BCL2L11: variants seen among roughly 807,000 people sequenced by gnomAD.
The protein encoded by BCL2L11 is bcl-2-like protein 11.
A neutral mutation model predicts 20.6 loss-of-function variants in BCL2L11; 15 were observed. The observed-to-expected ratio is 0.73, with a 90% CI of 0.49 to 1.12. The LOEUF (loss-of-function observed/expected upper bound fraction) is 1.12, where lower values mean the gene tolerates loss of function less well. BCL2L11 is among the 50% of genes most tolerant of loss of function. The pLI is 0.00. For missense variants in BCL2L11, 292 were observed against 260.9 expected (o/e 1.12, Z -0.82); for synonymous variants, 108 against 92.8 (o/e 1.16, Z -0.94).
intron 3 of BCL2L11, chr2:111,161,491 C>T: frequency 6.5e-7 from 1 of 1,550,268 alleles, no homozygotes; most frequent in East Asian, 2.4e-5. Flanking sequence ...GAGGCCAGCT[C>T]TGCAGACAGC....
At chr2:111,128,125 A>G (rs1232078413) in intron 2 of BCL2L11, among the ~76,000 whole-genome samples, 1 of 151,976 alleles carries the variant, frequency 6.6e-6, no homozygotes, top group Admixed American at 6.6e-5. Flanking sequence ...GCTTCTGACA[A>G]CCACCATTCT....
At chr2:111,122,972 G>T in intron 1 of BCL2L11, 1 of 985,202 alleles carries the variant, frequency 1.0e-6, no homozygotes, top group Non-Finnish European at 1.2e-6. Flanking sequence ...GTGGGATGAA[G>T]GCGGCGCGGC....
At position 111,142,189 on chromosome 2, in the gene BCL2L11, CCTTAA is replaced by C. The variant is rs936700010; in HGVS notation, c.395-7851_395-7847del. On this transcript the variant is annotated intron_variant, in intron 2 of 3. Transcript: ENST00000393256. ...TCTTTCAGCACAGAATTCTTTACAT[CCTTAA>C]CTTGCACTTGTGCTAATGAAGACTC... 8 of 801,414 alleles carry C rather than the reference CCTTAA, an allele frequency of 1.0e-5. No individual in the cohort carries two copies. The African/African-American group carries it at 1.4e-4, about 14-fold the overall frequency. The allele number at this position is 801,414 out of a possible 1,614,324, so 49.6% of individuals were successfully genotyped here. A position where few individuals can be genotyped will look rare whatever the true frequency, so the allele number is the denominator to read the frequency against.
chr2:111,125,643 A>G lies in BCL2L11; in HGVS notation c.394+1504A>G, dbSNP rs577613001. 2.5e-4 allele frequency among the ~76,000 whole-genome samples: 38 copies of G among 151,610 alleles called. No homozygotes were observed. The South Asian group carries it at 6.9e-3, about 27-fold the overall frequency. Reference sequence around the variant, plus strand: ...GGCAGGCCTTTGCCCATGTTATAGAATTGGAAAGAACCTCAGAGTGGTGGT... The same window carrying G: ...GGCAGGCCTTTGCCCATGTTATAGAGTTGGAAAGAACCTCAGAGTGGTGGT... On this transcript the variant is annotated intron_variant, in intron 2 of 3. Coordinates refer to ENST00000393256, the MANE Select transcript of BCL2L11 (RefSeq NM_138621.5).
At position 111,168,269 on chromosome 2, in the gene BCL2L11, C is replaced by G. The variant is rs2079120860; in HGVS notation, c.*4038C>G. ...TACTGATCCATCACTAACCTGTTTT[C>G]TAGGACCCAGCGTATGTAGCATTTG... On this transcript the variant is annotated 3_prime_UTR_variant, in exon 4 of 4. Transcript: ENST00000393256. 6.6e-6 allele frequency: 1 copy of G among 152,644 alleles called. No homozygotes were observed. Among genetic ancestry groups the G allele is most frequent in the African/African-American group, 2.4e-5 (1 of 41,452 alleles). 9.5% of individuals were successfully genotyped at this position (152,644 alleles called of 1,614,324 possible).
intron 2 of BCL2L11, among the ~76,000 whole-genome samples, chr2:111,136,285 AC>A (rs1328552717): frequency 2.0e-5 from 3 of 152,048 alleles, no homozygotes; most frequent in Admixed American, 6.5e-5. Context: ...AGTGAGGAAA[AC>A]GGCATACTCC....
At chr2:111,160,763 C>T (rs543819847) in intron 3 of BCL2L11, among the ~76,000 whole-genome samples, 1 of 152,210 alleles carries the variant, frequency 6.6e-6, no homozygotes, top group Non-Finnish European at 1.5e-5. Flanking sequence ...TAAAAATAAT[C>T]TCCTTCACCC....
chr2:111,122,535 G>T (rs2071295394), intron 1 of BCL2L11: 2 of 897,986 alleles, frequency 2.2e-6, no homozygotes, highest in African/African-American at 3.6e-5. Flanking sequence ...CTGCGGCGCG[G>T]AGCGACCGCG....
chr2:111,120,951 G>A lies in BCL2L11; in HGVS notation c.-251G>A, dbSNP rs1340969602. Reference sequence around the variant, plus strand: ...GCAGCCGCCTGGTCTGCAGTTTGTTGGAGCTCTGCGTCCAGCGCCGCTGCC... The same window carrying A: ...GCAGCCGCCTGGTCTGCAGTTTGTTAGAGCTCTGCGTCCAGCGCCGCTGCC... On this transcript the variant is annotated 5_prime_UTR_variant, in exon 1 of 4. Coordinates refer to ENST00000393256, the MANE Select transcript of BCL2L11 (RefSeq NM_138621.5). 1.1e-5 allele frequency: 4 copies of A among 370,838 alleles called. No homozygotes were observed. Among genetic ancestry groups the A allele is most frequent in the Non-Finnish European group, 1.9e-5 (4 of 211,602 alleles). The allele number at this position is 370,838 out of a possible 1,614,324, so 23.0% of individuals were successfully genotyped here. A position where few individuals can be genotyped will look rare whatever the true frequency, so the allele number is the denominator to read the frequency against.
rs2073412021 is a variant in BCL2L11 at position 111,129,390 on chromosome 2, C to T, written c.394+5251C>T. On this transcript the variant is annotated intron_variant, in intron 2 of 3. Transcript: ENST00000393256. Reference sequence around the variant, plus strand: ...GAAAGATATTTTTCTTTACTAGTTCCAAACACATTTATTAATTGTTAGTTA... The same window carrying T: ...GAAAGATATTTTTCTTTACTAGTTCTAAACACATTTATTAATTGTTAGTTA... Among the ~76,000 whole-genome samples, 2 of 152,104 alleles carry T rather than the reference C, an allele frequency of 1.3e-5. 1 individual carries two copies. The highest frequency in any genetic ancestry group is 4.2e-4 in the South Asian group (2 of 4,818).
chr2:111,152,514 A>T (rs3789066), intron 3 of BCL2L11, among the ~76,000 whole-genome samples: 13,153 of 152,320 alleles, frequency 0.086, 684 homozygotes, highest in African/African-American at 0.13. Context: ...GCCTGCCCAG[A>T]TGGACCTGGT....
intron 2 of BCL2L11, 128 bp downstream of exon 2, chr2:111,124,267 G>A (rs2150149381): frequency 1.7e-6 from 2 of 1,165,258 alleles, no homozygotes; most frequent in Non-Finnish European, 2.4e-6. Context: ...GATGGGAATG[G>A]AGGATGTGTC....
At position 111,164,629 on chromosome 2, in the gene BCL2L11, C is replaced by T. The variant is rs2078937453; in HGVS notation, c.*398C>T. ...ACTTTTGTATTAAAATTTTAAGAACCTACGGCCTATTCTCAGAGGATTATG... is the reference window on the plus strand; with the variant it reads ...ACTTTTGTATTAAAATTTTAAGAACTTACGGCCTATTCTCAGAGGATTATG... On this transcript the variant is annotated 3_prime_UTR_variant, in exon 4 of 4. Transcript: ENST00000393256. The T allele has an allele frequency of 6.2e-6, 1 of 161,350 alleles. No homozygotes were observed. Among genetic ancestry groups the T allele is most frequent in the African/African-American group, 2.4e-5 (1 of 41,672 alleles). 10.0% of individuals were successfully genotyped at this position (161,350 alleles called of 1,614,324 possible).
chr2:111,125,362 A>G (rs1411417647), intron 2 of BCL2L11, among the ~76,000 whole-genome samples: 1 of 152,104 alleles, frequency 6.6e-6, no homozygotes, highest in Non-Finnish European at 1.5e-5. Context: ...TTCCCCACCA[A>G]TGGAAAAGGT....
chr2:111,140,395 G>A (rs2075620907), intron 2 of BCL2L11, among the ~76,000 whole-genome samples: 1 of 152,138 alleles, frequency 6.6e-6, no homozygotes, highest in African/African-American at 2.4e-5. Context: ...GTCATAACAT[G>A]CTTCCCATTC....
At chr2:111,134,228 CT>C (rs1382958538) in intron 2 of BCL2L11, among the ~76,000 whole-genome samples, 1 of 151,296 alleles carries the variant, frequency 6.6e-6, no homozygotes, top group Non-Finnish European at 1.5e-5. Flanking sequence ...TTCCTTGTTT[CT>C]TTTTTTGTTT....
intron 3 of BCL2L11, among the ~76,000 whole-genome samples, chr2:111,156,628 C>G (rs1575181098): frequency 6.6e-6 from 1 of 152,192 alleles, no homozygotes; most frequent in South Asian, 2.1e-4. Context: ...TGCTGGTTTT[C>G]CAAACAAGCG....
At chr2:111,151,265 T>C (rs2077225038) in intron 3 of BCL2L11, among the ~76,000 whole-genome samples, 1 of 152,222 alleles carries the variant, frequency 6.6e-6, no homozygotes, top group African/African-American at 2.4e-5. Context: ...TGGGAACACC[T>C]GTGACTGCTT....
intron 3 of BCL2L11, among the ~76,000 whole-genome samples, chr2:111,158,941 G>A (rs1370813893): frequency 6.6e-6 from 1 of 152,160 alleles, no homozygotes; most frequent in East Asian, 1.9e-4. Flanking sequence ...GCTATGTCTA[G>A]GTCTGTGTTG....
Sources: gnomAD v4.1 joint callset for allele counts (sites outside exome capture counted in the v4.1 genomes callset) on GRCh38, gnomAD v4.1.1 for gene constraint, MANE v1.5 for transcripts, NCBI Gene and HGNC (gene_info 2026-07-23, HGNC 2026-07-21) for gene names.